BCOR: variants seen among roughly 807,000 people sequenced by gnomAD.
The protein encoded by BCOR is BCL6 corepressor, also known as BCL-6 corepressor.
Under a neutral mutation model 86.7 loss-of-function variants are expected in BCOR, and 10 were observed. That is an observed-to-expected ratio of 0.12 (90% CI 0.07 to 0.20). The LOEUF (loss-of-function observed/expected upper bound fraction) is 0.20, where lower values mean the gene tolerates loss of function less well. BCOR is among the 10% of genes least tolerant of loss of function. The pLI is 1.00. For missense variants in BCOR, 1,259 were observed against 1,452.1 expected (o/e 0.87, Z 2.16); for synonymous variants, 611 against 609.0 (o/e 1.00, Z -0.05).
intron 1 of BCOR, among the ~76,000 whole-genome samples, chrX:40,169,230 A>G (rs750346682): frequency 2.2e-4 from 25 of 112,669 alleles, no homozygotes; most frequent in African/African-American, 7.7e-4. Flanking sequence ...TCTCTGGCTC[A>G]AGTCGGTCCT....
intron 1 of BCOR, among the ~76,000 whole-genome samples, chrX:40,106,515 A>G (rs1205691653): frequency 3.6e-5 from 4 of 109,844 alleles, no homozygotes; most frequent in South Asian, 3.8e-4. Context: ...ACACGGAAAC[A>G]TGGCGCAGCG....
intron 1 of BCOR, among the ~76,000 whole-genome samples, chrX:40,158,300 C>G (rs1405334883): frequency 1.8e-5 from 2 of 112,348 alleles, no homozygotes; most frequent in Non-Finnish European, 3.8e-5. Context: ...CGCCGCTTCT[C>G]CCCCGGACGC....
intron 1 of BCOR, among the ~76,000 whole-genome samples, chrX:40,171,375 C>G (rs1299360263): frequency 1.2e-4 from 13 of 112,294 alleles, no homozygotes. Context: ...TTTCTGCAGA[C>G]AGACCCTCTG....
At chrX:40,059,109 A>C (rs5963154) in intron 10 of BCOR, among the ~76,000 whole-genome samples, 61,416 of 110,794 alleles carry the variant, frequency 0.55, 13,748 homozygotes, top group African/African-American at 0.84. Context: ...CTGAGGGAAC[A>C]TAGAAATGAA....
At chrX:40,093,895 T>C (rs527795434) in intron 1 of BCOR, among the ~76,000 whole-genome samples, 2 of 111,455 alleles carry the variant, frequency 1.8e-5, no homozygotes, top group African/African-American at 3.3e-5. Flanking sequence ...AGGGTGTTCA[T>C]TGTGTGTGTT....
intron 6 of BCOR, among the ~76,000 whole-genome samples, chrX:40,067,809 A>G (rs181684546): frequency 8.9e-6 from 1 of 111,880 alleles, no homozygotes; most frequent in East Asian, 2.8e-4. Flanking sequence ...GCAAACAGCT[A>G]TGAGGGAGAG....
chrX:40,153,859 CGAGAGGCAGTG>C (rs909531496), intron 1 of BCOR, among the ~76,000 whole-genome samples: 1 of 110,740 alleles, frequency 9.0e-6, no homozygotes, highest in Non-Finnish European at 1.9e-5. Flanking sequence ...GGAGCCGCAG[CGAGAGGCAGTG>C]GAGAGGCAGG....
chrX:40,140,737 T>C (rs764164136), intron 1 of BCOR, among the ~76,000 whole-genome samples: 7 of 113,247 alleles, frequency 6.2e-5, no homozygotes, highest in African/African-American at 1.9e-4. Flanking sequence ...GACTATGCTG[T>C]GTTCACCATC....
chrX:40,153,617 T>G (rs777633555), intron 1 of BCOR, among the ~76,000 whole-genome samples: 1 of 111,496 alleles, frequency 9.0e-6, no homozygotes, highest in African/African-American at 3.3e-5. Flanking sequence ...TTTTCCCCCT[T>G]TCCCCTGGGC....
intron 1 of BCOR, among the ~76,000 whole-genome samples, chrX:40,113,164 G>A (rs987343112): frequency 9.5e-6 from 1 of 104,968 alleles, no homozygotes; most frequent in African/African-American, 3.6e-5. Context: ...CCGCAACGTG[G>A]CAGCTAGAAA....
Position 40,052,329 on chromosome X carries a change from T to C in BCOR, c.5048A>G (p.Asn1683Ser), listed in dbSNP as rs776147951. 5.0e-6 allele frequency: 6 copies of C among 1,210,384 alleles called. No homozygotes were observed. Among genetic ancestry groups the C allele is most frequent in the East Asian group, 3.0e-5 (1 of 33,820 alleles). Residue 1683 changes from asparagine (N) to serine (S), a missense_variant, in exon 15 of 15, where the codon AAT becomes AGT. Around this residue, in one of 7 missense-constraint regions of BCOR, gnomAD observed 137 missense variants for 149.8 expected, o/e 0.91. Transcript: ENST00000378444. Reference sequence around the variant, plus strand: ...GGTGACAATTTCCACGTTTGGAAAATTGCAGCGAAATATGCGGGAGGACAT... The same window carrying C: ...GGTGACAATTTCCACGTTTGGAAAACTGCAGCGAAATATGCGGGAGGACAT... ...LKMSSRIFRC[N>S]FPNVEIVTIA...
chrX:40,150,993 G>A (rs1459732109), intron 1 of BCOR, among the ~76,000 whole-genome samples: 1 of 111,979 alleles, frequency 8.9e-6, no homozygotes, highest in African/African-American at 3.3e-5. Flanking sequence ...TGTGGTTAAG[G>A]CATGAGACAG....
chrX:40,109,939 C>T (rs1373550057), intron 1 of BCOR, among the ~76,000 whole-genome samples: 2 of 112,256 alleles, frequency 1.8e-5, no homozygotes, highest in Non-Finnish European at 3.8e-5. Context: ...GGTTCCGCGG[C>T]CCCCCGGGCC....
chrX:40,110,391 A>G (rs1937280136), intron 1 of BCOR, among the ~76,000 whole-genome samples: 1 of 111,550 alleles, frequency 9.0e-6, no homozygotes, highest in Non-Finnish European at 1.9e-5. Flanking sequence ...AGCCATCAGG[A>G]ATATAAATTC....
intron 1 of BCOR, among the ~76,000 whole-genome samples, chrX:40,088,197 C>A (rs1602190579): frequency 1.8e-5 from 2 of 112,249 alleles, no homozygotes; most frequent in African/African-American, 6.5e-5. Flanking sequence ...CCAGGAGGGC[C>A]CCTAGGGCAA....
At chrX:40,095,642 G>A (rs989265895) in intron 1 of BCOR, among the ~76,000 whole-genome samples, 2 of 112,359 alleles carry the variant, frequency 1.8e-5, no homozygotes, top group Non-Finnish European at 3.8e-5. Context: ...GACGCAGCGA[G>A]GCTGTGCGAA....
intron 1 of BCOR, among the ~76,000 whole-genome samples, chrX:40,078,725 C>A (rs919555119): frequency 8.9e-6 from 1 of 111,924 alleles, no homozygotes; most frequent in African/African-American, 3.3e-5. Flanking sequence ...GGCTGATGGG[C>A]TCCAAGCCGC....
At position 40,074,439 on chromosome X, in the gene BCOR, C is replaced by G; in HGVS notation, c.907G>C (p.Ala303Pro). 1 of 1,207,798 alleles carries G rather than the reference C, an allele frequency of 8.3e-7. No individual in the cohort carries two copies. Among genetic ancestry groups the G allele is most frequent in the South Asian group, 1.8e-5 (1 of 56,232 alleles). ...VSPGNPVDSH[A>P]YPHIQNSKQP... Reference sequence around the variant, plus strand: ...TTACTGTTCTGGATGTGAGGATAGGCGTGGGAATCAACAGGATTCCCAGGG... The same window carrying G: ...TTACTGTTCTGGATGTGAGGATAGGGGTGGGAATCAACAGGATTCCCAGGG... Residue 303 changes from alanine to proline, a missense_variant, in exon 4 of 15, where the codon GCC becomes CCC. Physicochemically the swap from Ala to Pro is conservative, Grantham distance 27 (BLOSUM62 -1). This residue lies in a region of BCOR where 534 missense variants were observed against 594.8 expected (regional missense o/e 0.90). Coordinates refer to ENST00000378444, the MANE Select transcript of BCOR (RefSeq NM_001123385.2).
At chrX:40,063,106 A>T (rs3810694) in intron 8 of BCOR, 35 bp from the exon 9 acceptor site, 14 of 599,378 alleles carry the variant, frequency 2.3e-5, no homozygotes, top group African/African-American at 1.9e-4. Context: ...TGGCGGGCGG[A>T]TGGGAGACGG....
Sources: allele counts gnomAD v4.1 joint callset (sites outside exome capture counted in the v4.1 genomes callset), GRCh38; gene constraint gnomAD v4.1.1; regional missense constraint gnomAD v4.1.1; transcripts MANE v1.5; gene names NCBI Gene and HGNC (gene_info 2026-07-23, HGNC 2026-07-21).